SSBP3: variants seen among roughly 807,000 people sequenced by gnomAD.
SSBP3 encodes the protein single stranded DNA binding protein 3, also known as single-stranded DNA-binding protein 3.
Under a neutral mutation model 69.6 loss-of-function variants are expected in SSBP3, and 5 were observed. The observed-to-expected ratio is 0.07, with a 90% confidence interval of 0.04 to 0.15. The LOEUF (loss-of-function observed/expected upper bound fraction) is 0.15, where lower values mean the gene tolerates loss of function less well. Among genes scored for constraint, SSBP3 ranks in the 10% least tolerant of loss-of-function variants. The pLI, the probability that SSBP3 is intolerant of heterozygous loss-of-function variation, is 1.00. For synonymous variants in SSBP3, 196 were observed against 193.4 expected (o/e 1.01, Z -0.11); for missense variants, 312 against 534.0 (o/e 0.58, Z 4.10).
intron 4 of SSBP3, among the ~76,000 whole-genome samples, chr1:54,347,494 C>T (rs1646708709): frequency 6.6e-6 from 1 of 152,014 alleles, no homozygotes; most frequent in Non-Finnish European, 1.5e-5. Context: ...AGTCACTACA[C>T]CAGGCCTGTA....
chr1:54,375,251 A>C (rs945304370), intron 4 of SSBP3, among the ~76,000 whole-genome samples: 1 of 152,210 alleles, frequency 6.6e-6, no homozygotes, highest in African/African-American at 2.4e-5. Context: ...ACTGACAGGG[A>C]AACTAAGGAT....
chr1:54,344,717 A>G (rs1646661101), intron 4 of SSBP3, among the ~76,000 whole-genome samples: 1 of 152,214 alleles, frequency 6.6e-6, no homozygotes, highest in Non-Finnish European at 1.5e-5. Flanking sequence ...AGAGATAGCA[A>G]CAGAGAACAG....
chr1:54,233,178 C>T (rs1049664967), intron 14 of SSBP3, among the ~76,000 whole-genome samples: 2 of 149,728 alleles, frequency 1.3e-5, no homozygotes, highest in Non-Finnish European at 3.0e-5. Flanking sequence ...AAGTGAGGAG[C>T]GTCTCTGCCC....
chr1:54,313,032 T>C (rs1372163232), intron 4 of SSBP3, among the ~76,000 whole-genome samples: 1 of 150,630 alleles, frequency 6.6e-6, no homozygotes, highest in Non-Finnish European at 1.5e-5. Flanking sequence ...TTTTTTTTTT[T>C]TTTTTTTTCC....
chr1:54,325,083 A>C (rs1646276665), intron 4 of SSBP3, among the ~76,000 whole-genome samples: 1 of 152,162 alleles, frequency 6.6e-6, no homozygotes, highest in Admixed American at 6.5e-5. Context: ...ACAAACTAAG[A>C]GAGTAGAGCC....
intron 14 of SSBP3, chr1:54,238,427 G>A: frequency 2.4e-6 from 1 of 417,000 alleles, no homozygotes; most frequent in East Asian, 7.2e-5. Flanking sequence ...AGGAGGAAGG[G>A]AAGGAACTAG....
chr1:54,403,961 G>A (rs1460303698), intron 3 of SSBP3, among the ~76,000 whole-genome samples: 2 of 147,332 alleles, frequency 1.4e-5, no homozygotes, highest in South Asian at 2.2e-4. Flanking sequence ...CAGACACTGC[G>A]AGGTCGACTC....
At chr1:54,227,269 T>C in intron 17 of SSBP3, 109 bp from the exon 18 acceptor site, 1 of 733,860 alleles carries the variant, frequency 1.4e-6, no homozygotes, top group Non-Finnish European at 2.5e-6. Flanking sequence ...GCAGGGCTCA[T>C]TTGGGGATGT....
intron 4 of SSBP3, among the ~76,000 whole-genome samples, chr1:54,322,440 T>C (rs1296799167): frequency 2.0e-5 from 3 of 152,054 alleles, no homozygotes; most frequent in Non-Finnish European, 2.9e-5. Context: ...TCAGAACTTT[T>C]TGGGAGTTCT....
At chr1:54,348,247 C>CGGGGGGGG (rs34214298) in intron 4 of SSBP3, among the ~76,000 whole-genome samples, 9 of 39,380 alleles carry the variant, frequency 2.3e-4, no homozygotes, top group African/African-American at 4.3e-4. Flanking sequence ...GCATGGGGGG[C>CGGGGGGGG]GGGGGGGGGG....
chr1:54,271,751 G>A (rs1399278811), intron 5 of SSBP3, among the ~76,000 whole-genome samples: 2 of 152,132 alleles, frequency 1.3e-5, no homozygotes, highest in African/African-American at 4.8e-5. Context: ...ACAAGAGACG[G>A]GGCTTTTCTT....
rs371166897 is a variant in SSBP3 at position 54,251,739 on chromosome 1, G to A, written c.575-47C>T. The A allele has an allele frequency of 1.3e-5, 20 of 1,589,302 alleles. No homozygotes were observed. The Admixed American group carries it at 2.6e-4, about 21-fold the overall frequency. On this transcript the variant is annotated intron_variant, in intron 8 of 17. Transcript: ENST00000610401. ...TCATGGGATGGCAGGAGTGGAGGGA[G>A]GAGGAGCCCCTCCTGGCATCCCCAG...
chr1:54,332,695 A>G (rs1212976845), intron 4 of SSBP3, among the ~76,000 whole-genome samples: 1 of 152,130 alleles, frequency 6.6e-6, no homozygotes, highest in South Asian at 2.1e-4. Context: ...AAAAGGCCAC[A>G]TAAGCCTAAG....
chr1:54,400,088 T>C (rs1191514838), intron 4 of SSBP3, among the ~76,000 whole-genome samples: 1 of 152,346 alleles, frequency 6.6e-6, no homozygotes, highest in East Asian at 1.9e-4. Flanking sequence ...CTGCCATTCC[T>C]CAGCAAATTA....
intron 4 of SSBP3, among the ~76,000 whole-genome samples, chr1:54,289,025 AAAAAAAAAAAAC>A (rs1451013962): frequency 1.5e-4 from 15 of 100,658 alleles, no homozygotes; most frequent in African/African-American, 5.3e-4. Flanking sequence ...GTCTCCAAAA[AAAAAAAAAAAAC>A]AAAAAAACAA....
At chr1:54,248,027 T>C (rs1457625869) in intron 9 of SSBP3, among the ~76,000 whole-genome samples, 1 of 152,224 alleles carries the variant, frequency 6.6e-6, no homozygotes, top group Non-Finnish European at 1.5e-5. Flanking sequence ...ACATTTAGGC[T>C]GACATGTGAC....
chr1:54,388,883 A>T (rs903146613), intron 4 of SSBP3, among the ~76,000 whole-genome samples: 2 of 152,338 alleles, frequency 1.3e-5, no homozygotes, highest in Non-Finnish European at 2.9e-5. Flanking sequence ...TCCTGGGGGA[A>T]ACACGAGGGA....
At chr1:54,294,765 G>A (rs1468843215) in intron 4 of SSBP3, among the ~76,000 whole-genome samples, 1 of 152,180 alleles carries the variant, frequency 6.6e-6, no homozygotes, top group South Asian at 2.1e-4. Flanking sequence ...TGGCCTCTCT[G>A]AAGACGAGTG....
chr1:54,235,473 T>A (rs1338377623), intron 14 of SSBP3, among the ~76,000 whole-genome samples: 2 of 108,124 alleles, frequency 1.8e-5, no homozygotes, highest in Non-Finnish European at 3.9e-5. Flanking sequence ...TTTTTTTTTT[T>A]GAGATGGAGT....
Sources: gnomAD v4.1 joint callset for allele counts (sites outside exome capture counted in the v4.1 genomes callset) on GRCh38, gnomAD v4.1.1 for gene constraint, MANE v1.5 for transcripts, NCBI Gene and HGNC (gene_info 2026-07-23, HGNC 2026-07-21) for gene names.